Variants in RPSA2 observed in about 807,000 individuals in gnomAD.
RPSA2 encodes ribosomal protein SA 2, also known as small ribosomal subunit protein uS2B.
chr19:23,819,907 G>A, the RPSA2 span, among the ~76,000 whole-genome samples: 4 of 152,148 alleles, frequency 2.6e-5, no homozygotes. Flanking sequence ...CAATAACTGT[G>A]TTAGTTCTTG....
At chr19:23,816,497 G>A in the RPSA2 span, among the ~76,000 whole-genome samples, 1 of 152,198 alleles carries the variant, frequency 6.6e-6, no homozygotes, top group Admixed American at 6.5e-5. Flanking sequence ...TGTTTTATGT[G>A]TTCCTGAGTG....
the RPSA2 span, among the ~76,000 whole-genome samples, chr19:23,796,468 G>A: frequency 6.7e-6 from 1 of 149,864 alleles, no homozygotes; most frequent in Non-Finnish European, 1.5e-5. Flanking sequence ...GAATAATGCT[G>A]TTCTTATATA....
the RPSA2 span, among the ~76,000 whole-genome samples, chr19:23,825,699 G>A: frequency 3.7e-3 from 569 of 152,160 alleles, 4 homozygotes; most frequent in African/African-American, 0.013. Flanking sequence ...TGATTCTAGT[G>A]CCTCAGCCTC....
At chr19:23,840,235 G>A in the RPSA2 span, among the ~76,000 whole-genome samples, 1 of 152,170 alleles carries the variant, frequency 6.6e-6, no homozygotes. Flanking sequence ...ATTATTTGAA[G>A]TACCTTTTTT....
the RPSA2 span, among the ~76,000 whole-genome samples, chr19:23,868,791 T>C: frequency 1.3e-5 from 2 of 152,126 alleles, no homozygotes; most frequent in Non-Finnish European, 1.5e-5. Context: ...TCAAGGTGCG[T>C]GCAACCATGG....
At chr19:23,794,917 A>G in the RPSA2 span, among the ~76,000 whole-genome samples, 1 of 152,196 alleles carries the variant, frequency 6.6e-6, no homozygotes, top group Non-Finnish European at 1.5e-5. Context: ...TTATTCCACC[A>G]CCATTTATTA....
chr19:23,803,095 ATTTTTTTT>A, the RPSA2 span, among the ~76,000 whole-genome samples: 1 of 149,778 alleles, frequency 6.7e-6, no homozygotes, highest in African/African-American at 2.4e-5. Flanking sequence ...CTGAGATTTA[ATTTTTTTT>A]TTTTTTGGTA....
chr19:23,826,399 G>C, the RPSA2 span, among the ~76,000 whole-genome samples: 1 of 151,730 alleles, frequency 6.6e-6, no homozygotes, highest in Non-Finnish European at 1.5e-5. Context: ...CACCATGTTG[G>C]CCAGCGTGGT....
the RPSA2 span, among the ~76,000 whole-genome samples, chr19:23,761,070 G>T: frequency 2.9e-5 from 2 of 68,054 alleles, no homozygotes; most frequent in African/African-American, 1.1e-4. Flanking sequence ...ATATATGTTT[G>T]TGTGTGTGTA....
chr19:23,800,801 C>T, the RPSA2 span, among the ~76,000 whole-genome samples: 1 of 152,122 alleles, frequency 6.6e-6, no homozygotes, highest in South Asian at 2.1e-4. Flanking sequence ...TCAGTAGAGA[C>T]AGGGTTTTTC....
chr19:23,802,653 G>C, the RPSA2 span, among the ~76,000 whole-genome samples: 150 of 151,930 alleles, frequency 9.9e-4, no homozygotes, highest in African/African-American at 3.2e-3. Flanking sequence ...TGGTTCCCTG[G>C]TACTTGAGTG....
At chr19:23,800,338 C>T in the RPSA2 span, among the ~76,000 whole-genome samples, 53 of 152,198 alleles carry the variant, frequency 3.5e-4, no homozygotes, top group African/African-American at 1.1e-3. Context: ...GCATGCCCAA[C>T]CTCTTTCTTT....
chr19:23,848,257 C>T, the RPSA2 span, among the ~76,000 whole-genome samples: 148,961 of 152,304 alleles, frequency 0.98, 72,940 homozygotes, highest in Middle Eastern at 1. Context: ...CCGGTCCCTC[C>T]GTTTGGGGTC....
the RPSA2 span, among the ~76,000 whole-genome samples, chr19:23,768,958 T>G: frequency 1.3e-5 from 2 of 152,158 alleles, no homozygotes; most frequent in African/African-American, 4.8e-5. Flanking sequence ...TGACATATAT[T>G]TGGGCCCAGC....
the RPSA2 span, among the ~76,000 whole-genome samples, chr19:23,761,923 T>TCTTTCTTTCTTTC: frequency 1.9e-4 from 12 of 63,548 alleles, no homozygotes; most frequent in East Asian, 1.2e-3. Flanking sequence ...TTTCTTTCTT[T>TCTTTCTTTCTTTC]TTTTTTTTTT....
At chr19:23,838,768 G>A in the RPSA2 span, among the ~76,000 whole-genome samples, 1 of 135,792 alleles carries the variant, frequency 7.4e-6, no homozygotes, top group Non-Finnish European at 1.6e-5. Context: ...ATGATTTTTT[G>A]TATTTCAGTG....
At chr19:23,783,915 C>CAA in the RPSA2 span, among the ~76,000 whole-genome samples, 1 of 152,142 alleles carries the variant, frequency 6.6e-6, no homozygotes, top group African/African-American at 2.4e-5. Context: ...GTCCTGCTTT[C>CAA]AGGAGAGGAT....
chr19:23,774,257 A>G, the RPSA2 span, among the ~76,000 whole-genome samples: 4 of 152,270 alleles, frequency 2.6e-5, no homozygotes, highest in Admixed American at 2.0e-4. Flanking sequence ...CAATTATGAC[A>G]TATTGCTGGG....
At chr19:23,835,358 G>T in the RPSA2 span, among the ~76,000 whole-genome samples, 1 of 151,652 alleles carries the variant, frequency 6.6e-6, no homozygotes, top group East Asian at 1.9e-4. Context: ...CTGTTTGTGT[G>T]AGTATAAATT....
Sources: gnomAD v4.1 joint callset for allele counts (sites outside exome capture counted in the v4.1 genomes callset) on GRCh38, gnomAD v4.1.1 for gene constraint, MANE v1.5 for transcripts, NCBI Gene and HGNC (gene_info 2026-07-23, HGNC 2026-07-21) for gene names.